The following URI1 variants were observed in gnomAD, a reference collection of about 807,000 sequenced individuals.
URI1 encodes the protein URI1 prefoldin like chaperone, also known as unconventional prefoldin RPB5 interactor 1.
A neutral mutation model predicts 60.2 loss-of-function variants in URI1; 39 were observed. The ratio of observed to expected loss-of-function variants is 0.65; its 90% CI spans 0.50 to 0.85. The LOEUF (loss-of-function observed/expected upper bound fraction) is 0.85. Ranked by LOEUF, URI1 falls within the 40% of genes least tolerant of loss-of-function variation. The probability of loss-of-function intolerance (pLI) is 0.00; values close to 1 mark genes in which losing one functional copy is unlikely to be tolerated. For synonymous variants in URI1, 251 were observed against 236.8 expected, an observed-to-expected ratio of 1.06 and a Z score of -0.55; for missense variants, 691 against 665.9, an observed-to-expected ratio of 1.04 and a Z score of -0.42.
intron 4 of URI1, among the ~76,000 whole-genome samples, chr19:29,995,162 A>G (rs531368011): frequency 4.6e-5 from 7 of 152,276 alleles, no homozygotes; most frequent in African/African-American, 1.7e-4. Context: ...CCAAAATACA[A>G]GGAATCCAGT....
At chr19:29,962,770 T>A (rs982680536) in intron 1 of URI1, among the ~76,000 whole-genome samples, 3 of 152,202 alleles carry the variant, frequency 2.0e-5, no homozygotes, top group South Asian at 2.1e-4. Context: ...ACAACATGTC[T>A]AGTTTAATAA....
At chr19:29,945,555 A>G (rs2055092974) in intron 1 of URI1, among the ~76,000 whole-genome samples, 1 of 152,240 alleles carries the variant, frequency 6.6e-6, no homozygotes, top group Non-Finnish European at 1.5e-5. Context: ...TCAATGGTGA[A>G]ACATTTCCAA....
intron 4 of URI1, among the ~76,000 whole-genome samples, chr19:29,988,636 G>C (rs546861719): frequency 1.6e-4 from 24 of 152,296 alleles, no homozygotes; most frequent in South Asian, 4.1e-4. Context: ...GGAGTGTTCC[G>C]TTACATGCAT....
rs187817958 is a variant in URI1, at chr19:29,948,737, C to T, written c.117+6073C>T. Among the ~76,000 whole-genome samples the T allele has an allele frequency of 7.9e-4, 120 of 152,344 alleles. 1 individual carries two copies. Among genetic ancestry groups the T allele is most frequent in the Middle Eastern group, 3.4e-3 (1 of 294 alleles). ...AACAAAATGTAGTCTCCTATGTCTA[C>T]TTCTTTCCACACAGACAGCAACAAT... On this transcript the variant is annotated intron_variant, in intron 1 of 10. Coordinates refer to ENST00000392271, the MANE Select transcript of URI1 (RefSeq NM_003796.3).
intron 1 of URI1, among the ~76,000 whole-genome samples, chr19:29,948,409 T>A (rs939255042): frequency 6.6e-6 from 1 of 152,218 alleles, no homozygotes; most frequent in African/African-American, 2.4e-5. Context: ...TTCCTTATAT[T>A]CCAAGTTTGC....
chr19:30,012,663 TTAA>T, intron 10 of URI1, 132 bp downstream of exon 10: 4 of 1,131,158 alleles, frequency 3.5e-6, no homozygotes, highest in Non-Finnish European at 4.8e-6. Context: ...TAATAAAAAA[TTAA>T]TAGTCACAAA....
Position 30,007,581 on chromosome 19 carries a change from TG to T in URI1, c.630del (p.Trp211GlyfsTer7). 3.1e-6 allele frequency: 5 copies of T among 1,613,268 alleles called. No individual in the cohort carries two copies. The highest frequency in any genetic ancestry group is 3.4e-6 in the Non-Finnish European group (4 of 1,179,494). On this transcript the variant is annotated frameshift_variant, in exon 7 of 11. Transcript: ENST00000392271. LOFTEE classifies it high-confidence loss of function. ...AAGGATTTGCTAGCTGATAAAGAACTGTGGGCTCGACTTGAAGAACTAGAGA... is the reference window on the plus strand; with the variant it reads ...AAGGATTTGCTAGCTGATAAAGAACTTGGGCTCGACTTGAAGAACTAGAGA... ...KSKDLLADKE[L>X]WARLEELERQ...
chr19:29,946,381 C>T (rs335033), intron 1 of URI1, among the ~76,000 whole-genome samples: 3,801 of 152,160 alleles, frequency 0.025, 169 homozygotes, highest in African/African-American at 0.087. Flanking sequence ...TTCTGAGATA[C>T]CTGTATTTTA....
chr19:29,951,497 A>G (rs1285217444), intron 1 of URI1, among the ~76,000 whole-genome samples: 1 of 150,932 alleles, frequency 6.6e-6, no homozygotes, highest in Non-Finnish European at 1.5e-5. Context: ...TTGATGTTCA[A>G]ATTGTTCTAA....
At chr19:29,999,623 A>G (rs548879537) in intron 4 of URI1, among the ~76,000 whole-genome samples, 4 of 151,876 alleles carry the variant, frequency 2.6e-5, no homozygotes, top group Non-Finnish European at 4.4e-5. Flanking sequence ...TTGTTGTTCA[A>G]CAGTTTGATT....
At chr19:29,925,154 C>A (rs935274535) in intron 1 of URI1, among the ~76,000 whole-genome samples, 1 of 152,208 alleles carries the variant, frequency 6.6e-6, no homozygotes, top group Admixed American at 6.5e-5. Context: ...TCTTGTTGAT[C>A]CTTCTTGCTT....
At chr19:29,971,537 C>T (rs2055460003) in intron 2 of URI1, among the ~76,000 whole-genome samples, 1 of 151,504 alleles carries the variant, frequency 6.6e-6, no homozygotes, top group Non-Finnish European at 1.5e-5. Context: ...TGACTTAGCT[C>T]TATTTTGGGG....
At chr19:29,972,241 T>C (rs1160014955) in intron 2 of URI1, among the ~76,000 whole-genome samples, 2 of 152,088 alleles carry the variant, frequency 1.3e-5, no homozygotes, top group Non-Finnish European at 2.9e-5. Context: ...ATATCCACTT[T>C]ATAAGTAAAA....
Position 29,976,040 on chromosome 19 carries a change from T to C in URI1, c.152+4813T>C, listed in dbSNP as rs188145362. Among the ~76,000 whole-genome samples the C allele has an allele frequency of 3.5e-4, 53 of 152,322 alleles. 1 individual carries two copies. Among genetic ancestry groups the C allele is most frequent in the Admixed American group, 3.1e-3 (48 of 15,302 alleles). Reference sequence around the variant, plus strand: ...CATTAACTAACAGTTCCTCTTTACCTCATTCCATACATTTTGCTGTATGTC... The same window carrying C: ...CATTAACTAACAGTTCCTCTTTACCCCATTCCATACATTTTGCTGTATGTC... On this transcript the variant is annotated intron_variant, in intron 2 of 10. Coordinates refer to ENST00000392271, the MANE Select transcript of URI1 (RefSeq NM_003796.3).
intron 4 of URI1, among the ~76,000 whole-genome samples, chr19:29,986,749 A>G (rs1443117333): frequency 1.3e-5 from 2 of 152,320 alleles, no homozygotes; most frequent in South Asian, 2.1e-4. Flanking sequence ...AGTTGCTATT[A>G]TAGACTTATT....
chr19:29,965,192 C>G (rs926833777), intron 1 of URI1, among the ~76,000 whole-genome samples: 2 of 152,164 alleles, frequency 1.3e-5, no homozygotes, highest in Non-Finnish European at 2.9e-5. Flanking sequence ...TCACCTCAGG[C>G]TCTGATGTCC....
intron 1 of URI1, 78 bp from the exon 2 acceptor site, chr19:29,971,115 A>C: frequency 7.4e-7 from 1 of 1,353,440 alleles, no homozygotes; most frequent in Non-Finnish European, 1.1e-6. Flanking sequence ...CCAATGTTCT[A>C]GTTTTCAGAT....
Position 29,981,503 on chromosome 19 carries a change from A to G in URI1, c.153-3720A>G, listed in dbSNP as rs969875267. Among the ~76,000 whole-genome samples the G allele has an allele frequency of 2.6e-5, 4 of 151,646 alleles. No homozygotes were observed. In the East Asian group the frequency reaches 7.7e-4, roughly 29 times the overall value. The stretch of plus-strand genomic sequence containing the variant: ...CCTATTTTTTTTTTTTAATTTCCTT[A>G]AAACAAAAGGTACTCTCAAAAGGCA... On this transcript the variant is annotated intron_variant, in intron 2 of 10. Coordinates refer to ENST00000392271, the MANE Select transcript of URI1 (RefSeq NM_003796.3).
At chr19:30,005,600 T>C (rs1310852431) in intron 5 of URI1, 51 bp from the exon 6 acceptor site, 1 of 1,584,164 alleles carries the variant, frequency 6.3e-7, no homozygotes, top group Non-Finnish European at 8.6e-7. Context: ...ATAATTTTAG[T>C]ATGCTGGAGA....
Sources: allele counts gnomAD v4.1 joint callset (sites outside exome capture counted in the v4.1 genomes callset), GRCh38; gene constraint gnomAD v4.1.1; transcripts MANE v1.5; gene names NCBI Gene and HGNC (gene_info 2026-07-23, HGNC 2026-07-21).